Variants in NUS1 observed in about 807,000 individuals in gnomAD.
NUS1 encodes the protein NUS1 dehydrodolichyl diphosphate synthase subunit.
For synonymous variants in NUS1, 135 were observed against 155.2 expected (o/e 0.87, Z 0.97); for missense variants, 292 against 382.9 (o/e 0.76, Z 1.98).
intron 1 of NUS1, among the ~76,000 whole-genome samples, chr6:117,680,441 CTT>C (rs1250131638): frequency 6.6e-6 from 1 of 152,134 alleles, no homozygotes; most frequent in African/African-American, 2.4e-5. Flanking sequence ...GGAACTTGTT[CTT>C]ATTTCCTGGC....
chr6:117,694,691 C>T (rs111323635), intron 3 of NUS1, among the ~76,000 whole-genome samples: 1,869 of 151,876 alleles, frequency 0.012, 44 homozygotes, highest in African/African-American at 0.042. Context: ...TTAAATAAGC[C>T]TTTGGTTTGC....
At chr6:117,677,625 C>T (rs1253443892) in intron 1 of NUS1, among the ~76,000 whole-genome samples, 1 of 152,220 alleles carries the variant, frequency 6.6e-6, no homozygotes, top group African/African-American at 2.4e-5. Flanking sequence ...GACAGTAACG[C>T]TTACAGGCTG....
intron 1 of NUS1, among the ~76,000 whole-genome samples, chr6:117,677,156 C>T (rs1452419309): frequency 6.6e-6 from 1 of 152,166 alleles, no homozygotes; most frequent in Non-Finnish European, 1.5e-5. Context: ...AAGCACTGTG[C>T]TAGGCATATT....
At position 117,681,411 on chromosome 6, in the gene NUS1, C is replaced by T. The variant is rs73528135; in HGVS notation, c.415+5326C>T. On this transcript the variant is annotated intron_variant, in intron 1 of 4. Coordinates refer to ENST00000368494, the MANE Select transcript of NUS1 (RefSeq NM_138459.5). ...GTGTTCCTTGAATTCAAAGAAGGGC[C>T]GCATTTCCTGTAGATAAGAATAATG... Among the ~76,000 whole-genome samples the T allele has an allele frequency of 3.3e-3, 495 of 152,228 alleles. 2 individuals carry two copies. The highest frequency in any genetic ancestry group is 0.011 in the African/African-American group (465 of 41,562).
At chr6:117,703,527 A>C in intron 3 of NUS1, 78 bp from the exon 4 acceptor site, 1 of 1,080,534 alleles carries the variant, frequency 9.3e-7, no homozygotes, top group Non-Finnish European at 1.4e-6. Flanking sequence ...CATTTTGCCC[A>C]TGATCTGTGT....
intron 1 of NUS1, among the ~76,000 whole-genome samples, chr6:117,692,663 A>G (rs1281089447): frequency 6.6e-6 from 1 of 152,148 alleles, no homozygotes; most frequent in African/African-American, 2.4e-5. Flanking sequence ...GTGAGTGAGG[A>G]ACATAACAGG....
At chr6:117,681,188 A>G (rs112501216) in intron 1 of NUS1, among the ~76,000 whole-genome samples, 10 of 152,210 alleles carry the variant, frequency 6.6e-5, no homozygotes, top group African/African-American at 1.9e-4. Flanking sequence ...CTATCTTACT[A>G]TATCTCTGAA....
intron 1 of NUS1, among the ~76,000 whole-genome samples, chr6:117,678,186 A>C (rs925560715): frequency 2.6e-5 from 4 of 152,184 alleles, no homozygotes; most frequent in Non-Finnish European, 5.9e-5. Context: ...AAGGCACCTT[A>C]AGGAGCATTT....
intron 3 of NUS1, among the ~76,000 whole-genome samples, chr6:117,701,862 A>AT (rs71272365): frequency 0.11 from 16,223 of 151,742 alleles, 865 homozygotes; most frequent in South Asian, 0.17. Context: ...TTTTTATTTA[A>AT]TTTTTTAGTC....
In NUS1 at chr6:117,693,024, C is replaced by G. The variant is rs1773263336; in HGVS notation, c.416-18C>G. On this transcript the variant is annotated intron_variant, in intron 1 of 4. Transcript: ENST00000368494. Reference sequence around the variant, plus strand: ...AATTAACCTAGTTGTGTTTTACTTGCCTTTTTCTTTTTTAAAGGTATTTTC... The same window carrying G: ...AATTAACCTAGTTGTGTTTTACTTGGCTTTTTCTTTTTTAAAGGTATTTTC... 1.3e-6 allele frequency: 2 copies of G among 1,590,708 alleles called. No homozygotes were observed. Among genetic ancestry groups the G allele is most frequent in the South Asian group, 1.1e-5 (1 of 90,136 alleles).
intron 1 of NUS1, among the ~76,000 whole-genome samples, chr6:117,683,332 TA>T (rs1486918499): frequency 6.6e-6 from 1 of 152,228 alleles, no homozygotes; most frequent in Non-Finnish European, 1.5e-5. Flanking sequence ...TCTCCTGAAA[TA>T]AAATAGCTTA....
rs1466754204 is a variant in NUS1, at chr6:117,686,145, C to T, written c.416-6897C>T. Among the ~76,000 whole-genome samples, 4 of 146,262 alleles carry T rather than the reference C, an allele frequency of 2.7e-5. No individual in the cohort carries two copies. The Admixed American group carries it at 2.8e-4, about 10-fold the overall frequency. ...GCGTGGTGGTGGGCGCCTATAGTCC[C>T]AGCTACTCGAGAGGCTGAGGCAGGA... is the stretch of plus-strand genomic sequence containing the variant. On this transcript the variant is annotated intron_variant, in intron 1 of 4. Transcript: ENST00000368494.
intron 4 of NUS1, among the ~76,000 whole-genome samples, chr6:117,704,575 G>C (rs1264004697): frequency 6.6e-6 from 1 of 152,132 alleles, no homozygotes; most frequent in African/African-American, 2.4e-5. Context: ...AGGCTCCTGG[G>C]CTGTATTTGC....
At chr6:117,692,986 C>G in intron 1 of NUS1, 56 bp from the exon 2 acceptor site, 1 of 1,456,786 alleles carries the variant, frequency 6.9e-7, no homozygotes, top group Non-Finnish European at 9.5e-7. Flanking sequence ...CAAGCATTCA[C>G]TTGAAGAGGA....
chr6:117,693,159 A>G lies in NUS1; in HGVS notation c.533A>G (p.Asp178Gly). 6.2e-7 allele frequency: 1 copy of G among 1,612,656 alleles called. No individual in the cohort carries two copies. The highest frequency in any genetic ancestry group is 8.5e-7 in the Non-Finnish European group (1 of 1,179,038). Reference protein sequence around the residue: ...SPEFANSNDKDDQVLNCHLAV... With the variant: ...SPEFANSNDKGDQVLNCHLAV... The stretch of plus-strand genomic sequence containing the variant: ...GAATTTGCAAATAGTAATGACAAAG[A>G]TGATCAAGGTAAGCATGAGTGTATA... The change falls in exon 2 of 5, where the codon GAT becomes GGT. Residue 178 changes from aspartate to glycine, a missense_variant. Physicochemically the swap from Asp to Gly is moderately conservative, Grantham distance 94. Coordinates refer to ENST00000368494, the MANE Select transcript of NUS1 (RefSeq NM_138459.5).
intron 3 of NUS1, among the ~76,000 whole-genome samples, chr6:117,700,692 AT>A (rs1773393700): frequency 6.6e-6 from 1 of 152,238 alleles, no homozygotes; most frequent in Admixed American, 6.5e-5. Flanking sequence ...AATAGCCAAG[AT>A]TTGGAAGCAA....
chr6:117,681,569 T>G (rs1773062384), intron 1 of NUS1, among the ~76,000 whole-genome samples: 1 of 152,218 alleles, frequency 6.6e-6, no homozygotes, highest in African/African-American at 2.4e-5. Flanking sequence ...TATGATTTTC[T>G]TAAGTTTATT....
At chr6:117,681,642 A>C (rs2114678776) in intron 1 of NUS1, among the ~76,000 whole-genome samples, 1 of 152,364 alleles carries the variant, frequency 6.6e-6, no homozygotes, top group South Asian at 2.1e-4. Flanking sequence ...ATGTGATTAC[A>C]TTTGACATAC....
chr6:117,678,264 A>G (rs924118983), intron 1 of NUS1, among the ~76,000 whole-genome samples: 1 of 152,322 alleles, frequency 6.6e-6, no homozygotes, highest in East Asian at 1.9e-4. Flanking sequence ...GTTTTTTTTA[A>G]AAGAATAAGA....
Sources: gnomAD v4.1 joint callset for allele counts (sites outside exome capture counted in the v4.1 genomes callset) on GRCh38, gnomAD v4.1.1 for gene constraint, MANE v1.5 for transcripts, NCBI Gene and HGNC (gene_info 2026-07-23, HGNC 2026-07-21) for gene names.